Variants in NEMP2 observed in about 807,000 individuals in gnomAD.
The protein encoded by NEMP2 is UPF0571 transmembrane protein.
Under a neutral mutation model 54.2 loss-of-function variants are expected in NEMP2, and 53 were observed. The ratio of observed to expected loss-of-function variants is 0.98; its 90% CI spans 0.78 to 1.23. The LOEUF (loss-of-function observed/expected upper bound fraction) is 1.23. Ranked by LOEUF, NEMP2 falls within the 50% of genes most tolerant of loss-of-function variation. The pLI is 0.00. For missense variants in NEMP2, 455 were observed against 511.3 expected (o/e 0.89, Z 1.06); for synonymous variants, 197 against 190.3 (o/e 1.04, Z -0.29).
chr2:190,435,921 G>A, the NEMP2 span: 4 of 1,364,400 alleles, frequency 2.9e-6, no homozygotes, highest in African/African-American at 1.5e-5. Context: ...ATGAAGTTCT[G>A]TGTTTACATG....
the NEMP2 span, among the ~76,000 whole-genome samples, chr2:190,593,545 C>T: frequency 1.3e-5 from 2 of 152,176 alleles, no homozygotes; most frequent in Non-Finnish European, 2.9e-5. The surrounding 1 kb of genome is among the most constrained non-coding windows in gnomAD (Gnocchi z 4.5). Flanking sequence ...AAGCTGCATA[C>T]ATTACTTGTC....
chr2:190,642,537 G>T, the NEMP2 span, among the ~76,000 whole-genome samples: 1 of 151,860 alleles, frequency 6.6e-6, no homozygotes, highest in Non-Finnish European at 1.5e-5. The surrounding 1 kb of genome is among the most constrained non-coding windows in gnomAD (Gnocchi z 4.1). Context: ...TAAGAAACTT[G>T]TTTATAATCT....
the NEMP2 span, among the ~76,000 whole-genome samples, chr2:190,427,577 A>C: frequency 2.4e-4 from 36 of 152,170 alleles, no homozygotes; most frequent in Admixed American, 2.4e-3. Context: ...TTGGGTACCA[A>C]GGTCCATAGC....
At chr2:190,493,165 T>G in the NEMP2 span, among the ~76,000 whole-genome samples, 3 of 151,740 alleles carry the variant, frequency 2.0e-5, no homozygotes, top group Non-Finnish European at 4.4e-5. Context: ...CTCACATAAA[T>G]TTAAGGTAAA....
chr2:190,610,876 A>G, the NEMP2 span: 3 of 152,326 alleles, frequency 2.0e-5, no homozygotes, highest in South Asian at 6.2e-4. The surrounding 1 kb of genome is among the most constrained non-coding windows in gnomAD (Gnocchi z 5.4). Context: ...TCAGTCTCCT[A>G]TTAGTTCAGT....
chr2:190,556,502 T>C, the NEMP2 span, among the ~76,000 whole-genome samples: 2 of 152,112 alleles, frequency 1.3e-5, no homozygotes, highest in Admixed American at 1.3e-4. Context: ...GAGAAAGAAA[T>C]AAAGCATATT....
chr2:190,584,957 A>C, the NEMP2 span, among the ~76,000 whole-genome samples: 2 of 122,774 alleles, frequency 1.6e-5, no homozygotes, highest in South Asian at 2.9e-4. This position sits in a 1 kb window ranked among gnomAD's most constrained non-coding sequence, Gnocchi z 4.2. Context: ...GAAAGAAAGA[A>C]AGAAAGAGAC....
the NEMP2 span, among the ~76,000 whole-genome samples, chr2:190,602,012 C>G: frequency 8.1e-4 from 124 of 152,158 alleles, no homozygotes; most frequent in East Asian, 0.018. Flanking sequence ...CTCAAGCTGG[C>G]TAAAATGAAC....
At chr2:190,515,322 T>C (rs1348841338) in intron 6 of NEMP2, among the ~76,000 whole-genome samples, 1 of 152,166 alleles carries the variant, frequency 6.6e-6, no homozygotes, top group Non-Finnish European at 1.5e-5. Context: ...AGGTGGAGAT[T>C]CTACAGGACA....
chr2:190,601,043 T>G, the NEMP2 span, among the ~76,000 whole-genome samples: 3 of 152,162 alleles, frequency 2.0e-5, no homozygotes, highest in Non-Finnish European at 4.4e-5. The surrounding 1 kb of genome is among the most constrained non-coding windows in gnomAD (Gnocchi z 5.8). Context: ...GTTGAAGTCC[T>G]AACCCCTAGT....
chr2:190,463,576 T>C, the NEMP2 span, among the ~76,000 whole-genome samples: 340 of 152,234 alleles, frequency 2.2e-3, 4 homozygotes, highest in African/African-American at 7.7e-3. The surrounding 1 kb of genome is among the most constrained non-coding windows in gnomAD (Gnocchi z 4.4). Context: ...TCCCAGCAAC[T>C]TTGGGAGGCT....
At chr2:190,445,078 C>T in the NEMP2 span, among the ~76,000 whole-genome samples, 1 of 152,142 alleles carries the variant, frequency 6.6e-6, no homozygotes, top group Non-Finnish European at 1.5e-5. Flanking sequence ...TTGAGTTGAA[C>T]TGGCCTGGCT....
chr2:190,640,481 A>G, the NEMP2 span, among the ~76,000 whole-genome samples: 1 of 152,248 alleles, frequency 6.6e-6, no homozygotes, highest in Non-Finnish European at 1.5e-5. Flanking sequence ...AAGGAATGAA[A>G]ATACAATAAT....
the NEMP2 span, among the ~76,000 whole-genome samples, chr2:190,615,943 G>A: frequency 6.6e-6 from 1 of 152,164 alleles, no homozygotes; most frequent in Non-Finnish European, 1.5e-5. The surrounding 1 kb of genome is among the most constrained non-coding windows in gnomAD (Gnocchi z 4.7). Flanking sequence ...AGGTCTCCAG[G>A]AAGCTCCAGC....
At chr2:190,602,373 G>A in the NEMP2 span, among the ~76,000 whole-genome samples, 1 of 152,144 alleles carries the variant, frequency 6.6e-6, no homozygotes, top group Non-Finnish European at 1.5e-5. Context: ...CTTCTTCTTT[G>A]GGAAATATCA....
the NEMP2 span, among the ~76,000 whole-genome samples, chr2:190,434,612 T>C: frequency 2.0e-5 from 3 of 152,072 alleles, no homozygotes; most frequent in African/African-American, 7.2e-5. This position sits in a 1 kb window ranked among gnomAD's most constrained non-coding sequence, Gnocchi z 4.3. Flanking sequence ...TCTTGTACTT[T>C]TAGTAGAAAC....
At chr2:190,497,953 A>G in the NEMP2 span, 1 of 389,696 alleles carries the variant, frequency 2.6e-6, no homozygotes, top group South Asian at 7.4e-5. The surrounding 1 kb of genome is among the most constrained non-coding windows in gnomAD (Gnocchi z 5.2). Context: ...AGAGGTTATG[A>G]TTCTTTCACT....
the NEMP2 span, among the ~76,000 whole-genome samples, chr2:190,613,950 T>G: frequency 7.9e-6 from 1 of 125,968 alleles, no homozygotes; most frequent in African/African-American, 2.5e-5. Context: ...TTAAGTCATA[T>G]AAACTTGAGA....
At chr2:190,574,878 A>G in the NEMP2 span, among the ~76,000 whole-genome samples, 58 of 137,926 alleles carry the variant, frequency 4.2e-4, no homozygotes, top group East Asian at 7.4e-3. Context: ...TTGCTTTCAC[A>G]GAGTCTCACG....
Sources: gnomAD v4.1 joint callset for allele counts (sites outside exome capture counted in the v4.1 genomes callset) on GRCh38, gnomAD v4.1.1 for gene constraint, Gnocchi (gnomAD v3.1) non-coding constraint, MANE v1.5 for transcripts, NCBI Gene and HGNC (gene_info 2026-07-23, HGNC 2026-07-21) for gene names.